Variants in NRXN3 observed in about 807,000 individuals in gnomAD.
NRXN3 encodes the protein neurexin 3, also known as neurexin III.
A neutral mutation model predicts 137.6 loss-of-function variants in NRXN3; 32 were observed. The observed-to-expected ratio is 0.23, with a 90% CI of 0.18 to 0.31. The LOEUF (loss-of-function observed/expected upper bound fraction) is 0.31, where lower values mean the gene tolerates loss of function less well. Ranked by LOEUF, NRXN3 falls within the 10% of genes least tolerant of loss-of-function variation. The probability of loss-of-function intolerance (pLI) is 1.00; values close to 1 mark genes in which losing one functional copy is unlikely to be tolerated. For missense variants in NRXN3, 1,574 were observed against 2,062.5 expected (o/e 0.76, Z 4.59); for synonymous variants, 798 against 784.5 (o/e 1.02, Z -0.29).
intron 10 of NRXN3, among the ~76,000 whole-genome samples, chr14:78,954,172 CTT>C (rs1193337963): frequency 6.6e-6 from 1 of 152,170 alleles, no homozygotes. Flanking sequence ...TCTCCTCTCT[CTT>C]TGCCTTGATT....
At chr14:78,567,927 A>G (rs1160630455) in intron 4 of NRXN3, among the ~76,000 whole-genome samples, 1 of 152,108 alleles carries the variant, frequency 6.6e-6, no homozygotes, top group Non-Finnish European at 1.5e-5. Flanking sequence ...TCGTGTTTCC[A>G]TCTCCATCAT....
rs950288244 is a variant in NRXN3 at position 79,861,161 on chromosome 14, A to G, written c.4094-181A>G. 97 of 1,497,428 alleles carry G rather than the reference A, an allele frequency of 6.5e-5. No individual in the cohort carries two copies. The highest frequency in any genetic ancestry group is 8.4e-5 in the Non-Finnish European group (95 of 1,127,198). 92.8% of individuals were successfully genotyped at this position (1,497,428 alleles called of 1,614,324 possible). On this transcript the variant is annotated intron_variant, in intron 20 of 20. Coordinates refer to ENST00000335750, the MANE Select transcript of NRXN3 (RefSeq NM_001330195.2). This position sits in a 1 kb window ranked among gnomAD's most constrained non-coding sequence, Gnocchi z 5.4. ...CCCCCTCCTCACCATTATTGAGACC[A>G]CCAAAGATTCCCTGTCCATGACCTC...
intron 2 of NRXN3, among the ~76,000 whole-genome samples, chr14:78,257,527 G>A (rs755119045): frequency 2.7e-4 from 41 of 152,222 alleles, no homozygotes; most frequent in Non-Finnish European, 5.4e-4. Flanking sequence ...AGGGATTGGA[G>A]GAAACTTTGC....
At chr14:78,727,095 T>A (rs2098488656) in intron 8 of NRXN3, among the ~76,000 whole-genome samples, 2 of 152,084 alleles carry the variant, frequency 1.3e-5, no homozygotes, top group East Asian at 1.9e-4. Context: ...GGTTTTCCAC[T>A]GAAATGTTGT....
chr14:79,741,717 C>T (rs1209961746), intron 19 of NRXN3, among the ~76,000 whole-genome samples: 3 of 151,886 alleles, frequency 2.0e-5, no homozygotes, highest in Non-Finnish European at 4.4e-5. Context: ...AACTCCTGGC[C>T]TCAAGTGATC....
At chr14:78,793,351 A>G (rs780874875) in intron 8 of NRXN3, among the ~76,000 whole-genome samples, 3 of 152,190 alleles carry the variant, frequency 2.0e-5, no homozygotes, top group Non-Finnish European at 4.4e-5. Flanking sequence ...CATGGTACAC[A>G]TTATAAATAT....
chr14:78,199,000 G>T (rs117654788), intron 1 of NRXN3, among the ~76,000 whole-genome samples: 1 of 152,328 alleles, frequency 6.6e-6, no homozygotes, highest in Non-Finnish European at 1.5e-5. Flanking sequence ...CTGAGGAACA[G>T]GGCTCCTGGC....
intron 4 of NRXN3, among the ~76,000 whole-genome samples, chr14:78,389,596 T>C (rs1180874108): frequency 6.6e-6 from 1 of 152,180 alleles, no homozygotes; most frequent in Non-Finnish European, 1.5e-5. Context: ...AGTATTTAAG[T>C]TTTCCTCTTA....
intron 10 of NRXN3, among the ~76,000 whole-genome samples, chr14:78,942,459 T>C (rs947729914): frequency 2.0e-5 from 3 of 152,202 alleles, no homozygotes; most frequent in Admixed American, 6.5e-5. Flanking sequence ...ATAAAAAAGT[T>C]CCTTGAAGTA....
In NRXN3 at chr14:79,279,433, C is replaced by A. The variant is rs1279176199; in HGVS notation, c.3263-187788C>A. ...CGCGCACTTCGCAGGCGCCCGCCCG[C>A]CTCTCGGCCACCTCTGCAGCCTGCC... On this transcript the variant is annotated intron_variant, in intron 15 of 20. Transcript: ENST00000335750. 4.1e-6 allele frequency: 4 copies of A among 986,108 alleles called. No homozygotes were observed. The African/African-American group carries it at 7.0e-5, about 17-fold the overall frequency. The allele number at this position is 986,108 out of a possible 1,614,324, so 61.1% of individuals were successfully genotyped here.
intron 16 of NRXN3, among the ~76,000 whole-genome samples, chr14:79,469,740 G>T (rs1278595901): frequency 3.3e-5 from 5 of 152,096 alleles, no homozygotes; most frequent in African/African-American, 1.2e-4. Context: ...TATGCTGTGG[G>T]GAATCTGTGT....
chr14:78,881,116 C>G (rs2099128098), intron 10 of NRXN3, among the ~76,000 whole-genome samples: 1 of 151,602 alleles, frequency 6.6e-6, no homozygotes, highest in African/African-American at 2.4e-5. Flanking sequence ...GCTTCCCCTT[C>G]CACCATGATT....
At chr14:79,539,187 C>T (rs1483774977) in intron 16 of NRXN3, among the ~76,000 whole-genome samples, 3 of 150,498 alleles carry the variant, frequency 2.0e-5, no homozygotes, top group Non-Finnish European at 2.9e-5. Flanking sequence ...CACCACCACA[C>T]CTGGCTAATT....
chr14:79,543,140 C>T (rs774540169), intron 16 of NRXN3, among the ~76,000 whole-genome samples: 2 of 152,152 alleles, frequency 1.3e-5, no homozygotes, highest in Admixed American at 6.6e-5. Flanking sequence ...TACAGGCAAG[C>T]ACTGGGATAT....
chr14:79,028,494 C>T (rs1366674740), intron 15 of NRXN3, among the ~76,000 whole-genome samples: 1 of 152,134 alleles, frequency 6.6e-6, no homozygotes, highest in Non-Finnish European at 1.5e-5. Flanking sequence ...ACGTCTGACT[C>T]ATTAGTAAGA....
chr14:79,045,269 C>A (rs1043909711), intron 15 of NRXN3, among the ~76,000 whole-genome samples: 3 of 152,148 alleles, frequency 2.0e-5, no homozygotes, highest in African/African-American at 7.2e-5. Context: ...CATTCAGCTC[C>A]TCAACAATCG....
At chr14:79,135,840 A>T (rs2058166690) in intron 15 of NRXN3, among the ~76,000 whole-genome samples, 1 of 152,232 alleles carries the variant, frequency 6.6e-6, no homozygotes, top group Non-Finnish European at 1.5e-5. Flanking sequence ...CAGAGAAGGC[A>T]TGTCAGTTTT....
intron 4 of NRXN3, among the ~76,000 whole-genome samples, chr14:78,497,972 T>G (rs1316173707): frequency 6.6e-6 from 1 of 152,204 alleles, no homozygotes; most frequent in Non-Finnish European, 1.5e-5. Context: ...TCATCTCCCC[T>G]TTCGCTTTTT....
chr14:78,625,994 C>G (rs1217939153), intron 4 of NRXN3, among the ~76,000 whole-genome samples: 1 of 152,208 alleles, frequency 6.6e-6, no homozygotes, highest in African/African-American at 2.4e-5. Flanking sequence ...GACGGCTCCA[C>G]ACAATAGTCC....
Sources: gnomAD v4.1 joint callset for allele counts (sites outside exome capture counted in the v4.1 genomes callset) on GRCh38, gnomAD v4.1.1 for gene constraint, Gnocchi (gnomAD v3.1) non-coding constraint, MANE v1.5 for transcripts, NCBI Gene and HGNC (gene_info 2026-07-23, HGNC 2026-07-21) for gene names.